NTN1: variants seen among roughly 807,000 people sequenced by gnomAD.
The protein encoded by NTN1 is netrin-1.
NTN1 carries 11 observed loss-of-function variants against 54.2 expected under a neutral mutation model. The observed-to-expected ratio is 0.20, with a 90% confidence interval of 0.13 to 0.34. NTN1 has a LOEUF of 0.34. NTN1 is among the 10% of genes least tolerant of loss of function. NTN1 has a pLI of 1.00. For missense variants in NTN1, 740 were observed against 893.1 expected (o/e 0.83, Z 2.18); for synonymous variants, 371 against 382.0 (o/e 0.97, Z 0.33).
chr17:9,079,309 A>C (rs2092062694), intron 2 of NTN1, among the ~76,000 whole-genome samples: 1 of 152,196 alleles, frequency 6.6e-6, no homozygotes, highest in African/African-American at 2.4e-5. Context: ...TCTCTTGTGC[A>C]TTCTGGAAGG....
At chr17:9,184,908 C>A (rs1018322691) in intron 5 of NTN1, among the ~76,000 whole-genome samples, 2 of 152,216 alleles carry the variant, frequency 1.3e-5, no homozygotes, top group African/African-American at 4.8e-5. Flanking sequence ...ACACTGGCAG[C>A]CTCCTTTTTT....
intron 2 of NTN1, among the ~76,000 whole-genome samples, chr17:9,142,958 A>G (rs1051726437): frequency 6.6e-5 from 10 of 152,242 alleles, no homozygotes; most frequent in Middle Eastern, 3.2e-3. Flanking sequence ...CTAAAAGGTA[A>G]TGTGCAGTGA....
intron 2 of NTN1, among the ~76,000 whole-genome samples, chr17:9,063,605 T>C (rs1317743250): frequency 1.3e-5 from 2 of 151,888 alleles, no homozygotes; most frequent in East Asian, 3.9e-4. Flanking sequence ...CGGAGTGCAG[T>C]GGCGCAATCT....
intron 6 of NTN1, among the ~76,000 whole-genome samples, chr17:9,227,493 G>A (rs1399018729): frequency 7.2e-6 from 1 of 138,966 alleles, no homozygotes; most frequent in Non-Finnish European, 1.6e-5. Context: ...ACACACACAT[G>A]CACATACACA....
At chr17:9,006,354 C>T in the NTN1 span, among the ~76,000 whole-genome samples, 1 of 152,176 alleles carries the variant, frequency 6.6e-6, no homozygotes, top group Non-Finnish European at 1.5e-5. Context: ...CTGCGAGTCG[C>T]TGAGACTATC....
chr17:9,015,704 C>T, the NTN1 span, among the ~76,000 whole-genome samples: 12 of 152,096 alleles, frequency 7.9e-5, no homozygotes, highest in African/African-American at 2.4e-4. Context: ...CCCTAAGACC[C>T]AGGAGTGGGG....
intron 5 of NTN1, among the ~76,000 whole-genome samples, chr17:9,213,350 C>T (rs1481691749): frequency 6.6e-6 from 1 of 152,244 alleles, no homozygotes; most frequent in African/African-American, 2.4e-5. Context: ...TCCTGCAGAG[C>T]TGCCAGTATT....
chr17:9,013,375 C>A, the NTN1 span, among the ~76,000 whole-genome samples: 1 of 152,006 alleles, frequency 6.6e-6, no homozygotes, highest in African/African-American at 2.4e-5. Context: ...CGCCACCACA[C>A]CCGGCTTATT....
At chr17:9,209,972 C>CT (rs1042027139) in intron 5 of NTN1, among the ~76,000 whole-genome samples, 3 of 152,132 alleles carry the variant, frequency 2.0e-5, no homozygotes, top group African/African-American at 7.2e-5. Flanking sequence ...AAGCCAGCCT[C>CT]TGCCCTATGT....
At chr17:9,233,392 T>C (rs938536887) in intron 6 of NTN1, among the ~76,000 whole-genome samples, 3 of 152,034 alleles carry the variant, frequency 2.0e-5, no homozygotes, top group African/African-American at 7.3e-5. Flanking sequence ...GCCGGACAGC[T>C]TTCCTACAAC....
intron 2 of NTN1, among the ~76,000 whole-genome samples, chr17:9,084,053 A>C (rs527518742): frequency 2.7e-5 from 4 of 147,480 alleles, no homozygotes; most frequent in African/African-American, 1.0e-4. Flanking sequence ...TCATGTTAGC[A>C]TTCTTTTAGA....
intron 2 of NTN1, among the ~76,000 whole-genome samples, chr17:9,072,334 T>G (rs1389715435): frequency 6.6e-6 from 1 of 151,644 alleles, no homozygotes; most frequent in Non-Finnish European, 1.5e-5. Flanking sequence ...CCTCCCTGGC[T>G]CCAGCTAACC....
intron 2 of NTN1, among the ~76,000 whole-genome samples, chr17:9,084,645 GTTTTTTTTT>G (rs35003160): frequency 1.2e-5 from 1 of 83,318 alleles, no homozygotes; most frequent in Non-Finnish European, 2.4e-5. Context: ...GTTCTTTGCA[GTTTTTTTTT>G]TTTTTTTTTT....
At chr17:9,010,444 G>A in the NTN1 span, among the ~76,000 whole-genome samples, 1 of 152,334 alleles carries the variant, frequency 6.6e-6, no homozygotes, top group African/African-American at 2.4e-5. Context: ...TGTGGGGAGG[G>A]AAGGAGCAGT....
intron 2 of NTN1, among the ~76,000 whole-genome samples, chr17:9,068,925 T>C (rs937281303): frequency 4.7e-4 from 72 of 152,188 alleles, no homozygotes; most frequent in African/African-American, 1.7e-3. Context: ...TGGTGGCTGG[T>C]GTCCACACCA....
At chr17:9,106,277 C>T (rs1277312471) in intron 2 of NTN1, among the ~76,000 whole-genome samples, 1 of 152,058 alleles carries the variant, frequency 6.6e-6, no homozygotes. Flanking sequence ...TGTGCCTTGG[C>T]AAATCTGGTT....
intron 5 of NTN1, among the ~76,000 whole-genome samples, chr17:9,202,459 T>C (rs2142338222): frequency 6.6e-6 from 1 of 152,322 alleles, no homozygotes; most frequent in Non-Finnish European, 1.5e-5. Context: ...TTTGAGTCTG[T>C]GGGTACCTGG....
At chr17:9,215,073 C>G (rs1156481171) in intron 5 of NTN1, among the ~76,000 whole-genome samples, 1 of 152,088 alleles carries the variant, frequency 6.6e-6, no homozygotes, top group African/African-American at 2.4e-5. Flanking sequence ...TTTTCAGAAG[C>G]ATTAGTTGAT....
At chr17:9,120,675 G>T (rs190822798) in intron 2 of NTN1, among the ~76,000 whole-genome samples, 31 of 152,330 alleles carry the variant, frequency 2.0e-4, no homozygotes, top group Admixed American at 3.9e-4. Flanking sequence ...GCCCCCAAGA[G>T]GCTGCTGGTG....
Sources: gnomAD v4.1 joint callset for allele counts (sites outside exome capture counted in the v4.1 genomes callset) on GRCh38, gnomAD v4.1.1 for gene constraint, MANE v1.5 for transcripts, NCBI Gene and HGNC (gene_info 2026-07-23, HGNC 2026-07-21) for gene names.